The following FAM133B variants were observed in gnomAD, a reference collection of about 807,000 sequenced individuals.
FAM133B encodes the protein protein FAM133B.
A neutral mutation model predicts 46.4 loss-of-function variants in FAM133B; 25 were observed. The ratio of observed to expected loss-of-function variants is 0.54; its 90% CI spans 0.39 to 0.75. The LOEUF (loss-of-function observed/expected upper bound fraction) is 0.75, where lower values mean the gene tolerates loss of function less well. Among genes scored for constraint, FAM133B ranks in the 30% least tolerant of loss-of-function variants. FAM133B has a pLI of 0.00. For missense variants in FAM133B, 205 were observed against 277.6 expected (o/e 0.74, Z 1.86); for synonymous variants, 75 against 86.0 (o/e 0.87, Z 0.71).
chr7:92,576,019 C>T (rs892700095), intron 7 of FAM133B, among the ~76,000 whole-genome samples, 198 bp from the exon 8 acceptor site: 5 of 152,176 alleles, frequency 3.3e-5, no homozygotes, highest in African/African-American at 1.2e-4. Flanking sequence ...CTTTATCTGG[C>T]TGTATACCAA....
intron 10 of FAM133B, among the ~76,000 whole-genome samples, chr7:92,565,149 C>CTT (rs72450473): frequency 4.6e-5 from 6 of 130,464 alleles, no homozygotes; most frequent in Non-Finnish European, 4.9e-5. Context: ...GCTTATATTT[C>CTT]TTTTTTTTTT....
At chr7:92,581,794 T>C (rs1794881027) in intron 1 of FAM133B, 191 bp from the exon 2 acceptor site, 1 of 306,426 alleles carries the variant, frequency 3.3e-6, no homozygotes, top group Non-Finnish European at 6.2e-6. Context: ...TGGGAGAAAA[T>C]TGTGTGTGTG....
At chr7:92,580,191 A>G (rs1251018868) in intron 2 of FAM133B, among the ~76,000 whole-genome samples, 1 of 150,672 alleles carries the variant, frequency 6.6e-6, no homozygotes, top group Non-Finnish European at 1.5e-5. Context: ...CTCCTGCCTC[A>G]GTATCCCAAG....
At chr7:92,567,208 A>C (rs1585297664) in intron 9 of FAM133B, among the ~76,000 whole-genome samples, 2 of 152,166 alleles carry the variant, frequency 1.3e-5, no homozygotes. Flanking sequence ...TAGAGCAAGA[A>C]CCTGCCTCTA....
chr7:92,566,292 C>T, intron 9 of FAM133B, among the ~76,000 whole-genome samples: 1 of 152,082 alleles, frequency 6.6e-6, no homozygotes, highest in Non-Finnish European at 1.5e-5. Flanking sequence ...CTTATATTCC[C>T]TTTCAGCACC....
intron 3 of FAM133B, chr7:92,579,050 A>G: frequency 3.1e-6 from 1 of 321,424 alleles, no homozygotes; most frequent in South Asian, 4.6e-5. Flanking sequence ...TAAAGCATGC[A>G]CGTAAATACA....
At position 92,581,620 on chromosome 7, in the gene FAM133B, CAATT is replaced by C; in HGVS notation, c.25-21_25-18del. On this transcript the variant is annotated intron_variant, in intron 1 of 10. Transcript: ENST00000445716. ...CATATAGGCCTTGGGGAAAGAACAA[CAATT>C]AATCCATTAAAGCAATCATTAAACA... 2 of 1,595,540 alleles carry C rather than the reference CAATT, an allele frequency of 1.3e-6. No individual in the cohort carries two copies. The highest frequency in any genetic ancestry group is 1.7e-6 in the Non-Finnish European group (2 of 1,163,702).
intron 1 of FAM133B, among the ~76,000 whole-genome samples, chr7:92,586,876 C>G (rs573627207): frequency 6.6e-6 from 1 of 152,160 alleles, no homozygotes; most frequent in African/African-American, 2.4e-5. Flanking sequence ...AGGTGGCCAT[C>G]ATGAACTTAA....
At chr7:92,580,579 G>A (rs1353616209) in intron 2 of FAM133B, among the ~76,000 whole-genome samples, 6 of 152,232 alleles carry the variant, frequency 3.9e-5, no homozygotes, top group African/African-American at 1.2e-4. Flanking sequence ...TTCAAAGCCT[G>A]TTCCGGGACT....
Position 92,590,335 on chromosome 7 carries a change from C to A in FAM133B, c.-44G>T, listed in dbSNP as rs944345942. 9 of 1,613,030 alleles carry A rather than the reference C, an allele frequency of 5.6e-6. No individual in the cohort carries two copies. The East Asian group carries it at 6.7e-5, about 12-fold the overall frequency. ...CAGTAGCACGCCGAGGGAAACCGGGCCGGAGAGACTGCCGAAGAGGGCCTG... is the reference window on the plus strand; with the variant it reads ...CAGTAGCACGCCGAGGGAAACCGGGACGGAGAGACTGCCGAAGAGGGCCTG... On this transcript the variant is annotated 5_prime_UTR_variant, in exon 1 of 11. Transcript: ENST00000445716.
At chr7:92,587,651 T>C (rs1417723359) in intron 1 of FAM133B, among the ~76,000 whole-genome samples, 2 of 152,122 alleles carry the variant, frequency 1.3e-5, no homozygotes, top group Non-Finnish European at 2.9e-5. Flanking sequence ...AGAGCATCCC[T>C]TGAGCCTGGG....
intron 9 of FAM133B, among the ~76,000 whole-genome samples, chr7:92,568,539 T>TA (rs1368661470): frequency 1.3e-5 from 2 of 149,590 alleles, no homozygotes; most frequent in Non-Finnish European, 3.0e-5. Flanking sequence ...TTTTTTTTTT[T>TA]TTTTTTTTAG....
At chr7:92,570,776 A>G (rs543043832) in intron 8 of FAM133B, among the ~76,000 whole-genome samples, 44 of 152,290 alleles carry the variant, frequency 2.9e-4, no homozygotes, top group African/African-American at 1.0e-3. Flanking sequence ...TATGGGCTAG[A>G]TTATAGCAGA....
At chr7:92,564,877 C>T (rs1033639883) in intron 10 of FAM133B, among the ~76,000 whole-genome samples, 2 of 152,106 alleles carry the variant, frequency 1.3e-5, no homozygotes, top group Non-Finnish European at 2.9e-5. Flanking sequence ...TTCCTTAATT[C>T]GCCTCTTCTT....
intron 1 of FAM133B, among the ~76,000 whole-genome samples, chr7:92,584,512 T>A (rs936661614): frequency 4.6e-5 from 7 of 152,118 alleles, no homozygotes; most frequent in African/African-American, 1.7e-4. Flanking sequence ...TTACTTGGAA[T>A]GAAAAAGATA....
intron 10 of FAM133B, among the ~76,000 whole-genome samples, chr7:92,564,846 T>G (rs940091945): frequency 6.6e-6 from 1 of 152,250 alleles, no homozygotes; most frequent in African/African-American, 2.4e-5. Flanking sequence ...ATCTGTTTCT[T>G]GTTTGGATAC....
At chr7:92,563,840 AG>A (rs1050088370) in intron 10 of FAM133B, among the ~76,000 whole-genome samples, 3 of 152,186 alleles carry the variant, frequency 2.0e-5, no homozygotes, top group Non-Finnish European at 2.9e-5. Context: ...CAAAGTACCA[AG>A]CAAGTCTTAC....
chr7:92,590,128 C>A (rs1049676700), intron 1 of FAM133B, 140 bp downstream of exon 1: 25 of 1,268,010 alleles, frequency 2.0e-5, no homozygotes, highest in African/African-American at 1.4e-4. Context: ...CATCTGGGAT[C>A]GGCGGAGGGT....
rs1223434751 is a variant in FAM133B at position 92,560,978 on chromosome 7, A to C, written c.*1304T>G. The C allele has an allele frequency of 6.5e-6, 1 of 152,688 alleles. No individual in the cohort carries two copies. The highest frequency in any genetic ancestry group is 1.5e-5 in the Non-Finnish European group (1 of 68,048). The allele number at this position is 152,688 out of a possible 1,614,324, so 9.5% of individuals were successfully genotyped here. On this transcript the variant is annotated 3_prime_UTR_variant, in exon 11 of 11. Coordinates refer to ENST00000445716, the MANE Select transcript of FAM133B (RefSeq NM_152789.4). The stretch of plus-strand genomic sequence containing the variant: ...TCAATTCCTTTTAACATTCCTAGTA[A>C]ACAATTCAGCAGTAGACATGAGGCA...
Sources: gnomAD v4.1 joint callset for allele counts (sites outside exome capture counted in the v4.1 genomes callset) on GRCh38, gnomAD v4.1.1 for gene constraint, MANE v1.5 for transcripts, NCBI Gene and HGNC (gene_info 2026-07-23, HGNC 2026-07-21) for gene names.